The following RBFOX2 variants were observed in gnomAD, a reference collection of about 807,000 sequenced individuals.
The protein encoded by RBFOX2 is RNA binding fox-1 homolog 2.
In RBFOX2, 10 loss-of-function variants were observed where a neutral mutation model predicts 49.1. The ratio of observed to expected loss-of-function variants is 0.20; its 90% confidence interval spans 0.13 to 0.35. RBFOX2 has a LOEUF of 0.35. RBFOX2 is among the 10% of genes least tolerant of loss of function. The pLI, the probability that RBFOX2 is intolerant of heterozygous loss-of-function variation, is 1.00. For synonymous variants in RBFOX2, 183 were observed against 187.4 expected (o/e 0.98, Z 0.19); for missense variants, 323 against 486.9 (o/e 0.66, Z 3.17).
chr22:35,958,329 G>C (rs2055822803), intron 1 of RBFOX2, among the ~76,000 whole-genome samples: 1 of 152,086 alleles, frequency 6.6e-6, no homozygotes, highest in East Asian at 1.9e-4. Flanking sequence ...ACCTTGCAAG[G>C]ATGTTAAGTT....
At chr22:35,745,899 A>G (rs781123830) in intron 11 of RBFOX2, 24 bp downstream of exon 13, 2 of 1,590,666 alleles carry the variant, frequency 1.3e-6, no homozygotes, top group Admixed American at 1.7e-5. Flanking sequence ...GGTTTTATAA[A>G]GCAATGGTAT....
At chr22:35,826,769 G>A (rs1278688290) in intron 1 of RBFOX2, among the ~76,000 whole-genome samples, 2 of 152,130 alleles carry the variant, frequency 1.3e-5, no homozygotes, top group Non-Finnish European at 2.9e-5. Context: ...ATATAACTGT[G>A]AGAAAGTTTA....
At chr22:35,891,196 T>C (rs1428966069) in intron 1 of RBFOX2, among the ~76,000 whole-genome samples, 2 of 152,250 alleles carry the variant, frequency 1.3e-5, no homozygotes, top group Admixed American at 6.5e-5. Flanking sequence ...AGCAGTGGCG[T>C]GATCTCGGCT....
intron 1 of RBFOX2, among the ~76,000 whole-genome samples, chr22:35,988,061 T>C (rs1309673482): frequency 2.0e-5 from 3 of 152,190 alleles, no homozygotes; most frequent in African/African-American, 7.2e-5. Context: ...ACTGGTCTAA[T>C]TAAGCCTTGA....
intron 1 of RBFOX2, among the ~76,000 whole-genome samples, chr22:35,886,631 T>C (rs1214824413): frequency 6.6e-6 from 1 of 152,208 alleles, no homozygotes; most frequent in Non-Finnish European, 1.5e-5. Context: ...CTACTGTGGG[T>C]AATCGTAACA....
chr22:36,012,954 T>C (rs921184450), intron 1 of RBFOX2, among the ~76,000 whole-genome samples: 1 of 151,976 alleles, frequency 6.6e-6, no homozygotes, highest in Non-Finnish European at 1.5e-5. Flanking sequence ...TTAGTAGAGA[T>C]GGGGTTTCAA....
intron 1 of RBFOX2, among the ~76,000 whole-genome samples, chr22:35,857,494 T>C (rs542957405): frequency 2.0e-5 from 3 of 152,208 alleles, no homozygotes; most frequent in Non-Finnish European, 4.4e-5. Context: ...AGAATAACAC[T>C]GCTAATACAG....
chr22:35,757,235 A>C (rs184374935), intron 9 of RBFOX2, among the ~76,000 whole-genome samples: 51 of 152,174 alleles, frequency 3.4e-4, no homozygotes, highest in Middle Eastern at 3.4e-3. Context: ...AAAAAAAAAA[A>C]AAAACAAAAC....
At chr22:35,968,405 C>G (rs1015585805) in intron 1 of RBFOX2, among the ~76,000 whole-genome samples, 3 of 152,162 alleles carry the variant, frequency 2.0e-5, no homozygotes, top group African/African-American at 7.2e-5. Context: ...AAGAAGCAGT[C>G]TGATAATTTT....
At chr22:35,997,930 A>T (rs570582071) in intron 1 of RBFOX2, 7 of 152,316 alleles carry the variant, frequency 4.6e-5, no homozygotes, top group Middle Eastern at 3.4e-3. Context: ...TGAGCCTGAG[A>T]AGTCAAGGCT....
At chr22:35,830,204 A>G (rs1051933786) in intron 1 of RBFOX2, among the ~76,000 whole-genome samples, 4 of 152,256 alleles carry the variant, frequency 2.6e-5, no homozygotes, top group Non-Finnish European at 4.4e-5. Flanking sequence ...GGATGCTGAC[A>G]CTGGTGATAT....
intron 1 of RBFOX2, among the ~76,000 whole-genome samples, chr22:35,811,945 C>G (rs752849415): frequency 2.1e-5 from 3 of 145,546 alleles, no homozygotes; most frequent in Non-Finnish European, 4.5e-5. Flanking sequence ...AACAGAAAGA[C>G]CACGTCTCTT....
chr22:35,838,240 A>T (rs1277805236), intron 1 of RBFOX2, among the ~76,000 whole-genome samples: 5 of 149,354 alleles, frequency 3.3e-5, no homozygotes, highest in South Asian at 2.1e-4. Flanking sequence ...AATTTTTTTT[A>T]AAAAATAAAG....
At chr22:35,896,596 G>A (rs2047876296) in intron 1 of RBFOX2, among the ~76,000 whole-genome samples, 1 of 152,064 alleles carries the variant, frequency 6.6e-6, no homozygotes, top group Non-Finnish European at 1.5e-5. Context: ...TGCCATAGTG[G>A]GGTTTCTTCC....
intron 1 of RBFOX2, among the ~76,000 whole-genome samples, chr22:36,007,683 C>T (rs573882857): frequency 2.6e-5 from 4 of 152,234 alleles, no homozygotes; most frequent in South Asian, 4.1e-4. Context: ...AATGCTCCTC[C>T]GAGGAGGCAA....
At chr22:35,866,578 T>A (rs1569423333) in intron 1 of RBFOX2, among the ~76,000 whole-genome samples, 1 of 152,098 alleles carries the variant, frequency 6.6e-6, no homozygotes, top group Non-Finnish European at 1.5e-5. Context: ...ATATTAAACA[T>A]AAGATGACTC....
chr22:35,773,945 G>T (rs936184558), intron 4 of RBFOX2, among the ~76,000 whole-genome samples: 4 of 152,038 alleles, frequency 2.6e-5, no homozygotes, highest in Non-Finnish European at 4.4e-5. Context: ...AATACAGGGG[G>T]CTGAACTAGG....
chr22:35,962,367 T>C (rs1240144324), upstream of RBFOX2, among the ~76,000 whole-genome samples: 1 of 152,190 alleles, frequency 6.6e-6, no homozygotes, highest in African/African-American at 2.4e-5. Flanking sequence ...TAACAAATTC[T>C]CACATACCTC....
chr22:35,755,829 T>G (rs527962216), intron 9 of RBFOX2, among the ~76,000 whole-genome samples: 1 of 152,116 alleles, frequency 6.6e-6, no homozygotes, highest in Non-Finnish European at 1.5e-5. Flanking sequence ...TCTGTGGGTA[T>G]AGGGAAGGGA....
Sources: gnomAD v4.1 joint callset for allele counts (sites outside exome capture counted in the v4.1 genomes callset) on GRCh38, gnomAD v4.1.1 for gene constraint, MANE v1.5 for transcripts, NCBI Gene and HGNC (gene_info 2026-07-23, HGNC 2026-07-21) for gene names.